Variants in TSPAN9 observed in about 807,000 individuals in gnomAD.
The protein encoded by TSPAN9 is tetraspanin-9.
TSPAN9 carries 16 observed loss-of-function variants against 31.0 expected under a neutral mutation model. The ratio of observed to expected loss-of-function variants is 0.52; its 90% confidence interval spans 0.35 to 0.78. The LOEUF (loss-of-function observed/expected upper bound fraction) is 0.78, where lower values mean the gene tolerates loss of function less well. Among genes scored for constraint, TSPAN9 ranks in the 30% least tolerant of loss-of-function variants. The pLI, the probability that TSPAN9 is intolerant of heterozygous loss-of-function variation, is 0.01. For synonymous variants in TSPAN9, 145 were observed against 121.6 expected, an observed-to-expected ratio of 1.19 and a Z score of -1.27; for missense variants, 272 against 312.5, an observed-to-expected ratio of 0.87 and a Z score of 0.98.
chr12:3,175,407 C>T (rs774780110), intron 2 of TSPAN9, among the ~76,000 whole-genome samples: 9 of 152,208 alleles, frequency 5.9e-5, no homozygotes, highest in African/African-American at 1.9e-4. Flanking sequence ...TGCAGTGGCA[C>T]GGGCTGCCTT....
intron 2 of TSPAN9, among the ~76,000 whole-genome samples, chr12:3,098,758 T>C (rs75745122): frequency 2.7e-5 from 4 of 146,016 alleles, no homozygotes; most frequent in Admixed American, 6.8e-5. Context: ...CTCTCTCTCT[T>C]TTTTTTTTTT....
chr12:3,276,506 G>C (rs1565643275), intron 3 of TSPAN9, among the ~76,000 whole-genome samples: 1 of 152,202 alleles, frequency 6.6e-6, no homozygotes, highest in African/African-American at 2.4e-5. Context: ...TGCACCTGCT[G>C]TTCTCTCTGT....
At chr12:3,231,180 G>T (rs781027730) in intron 3 of TSPAN9, among the ~76,000 whole-genome samples, 1 of 152,102 alleles carries the variant, frequency 6.6e-6, no homozygotes, top group African/African-American at 2.4e-5. Flanking sequence ...TCTTATCGCC[G>T]CAGAAAGCAA....
rs776895287 is a variant in TSPAN9, at chr12:3,199,687, C to G, written c.-17-1490C>G. The stretch of plus-strand genomic sequence containing the variant: ...ACCGAGAACGCGGGGCAAGGGTTCG[C>G]GCAGCTGCAGGAGCCTGGCGGAGCG... On this transcript the variant is annotated intron_variant, in intron 2 of 8. Coordinates refer to ENST00000011898, the MANE Select transcript of TSPAN9 (RefSeq NM_006675.5). 3.0e-4 allele frequency among the ~76,000 whole-genome samples: 46 copies of G among 152,172 alleles called. 1 individual carries two copies. Among genetic ancestry groups the G allele is most frequent in the Non-Finnish European group, 5.7e-4 (39 of 68,022 alleles).
intron 2 of TSPAN9, among the ~76,000 whole-genome samples, chr12:3,179,741 C>G (rs916280603): frequency 3.3e-5 from 5 of 152,156 alleles, no homozygotes; most frequent in African/African-American, 1.2e-4. Flanking sequence ...TACATATTGT[C>G]CATTCCAGAT....
intron 3 of TSPAN9, among the ~76,000 whole-genome samples, chr12:3,256,701 A>G (rs768707572): frequency 3.9e-5 from 6 of 151,900 alleles, no homozygotes; most frequent in Non-Finnish European, 8.8e-5. Flanking sequence ...AGCTGGGTTA[A>G]CTCTTTCGGG....
chr12:3,141,085 C>T (rs1201553000), intron 2 of TSPAN9, among the ~76,000 whole-genome samples: 1 of 151,922 alleles, frequency 6.6e-6, no homozygotes, highest in Non-Finnish European at 1.5e-5. Flanking sequence ...TGACGAGGAC[C>T]ACGGGGCTTT....
intron 3 of TSPAN9, among the ~76,000 whole-genome samples, chr12:3,274,276 C>T (rs1337881982): frequency 6.6e-6 from 1 of 152,200 alleles, no homozygotes; most frequent in Non-Finnish European, 1.5e-5. Context: ...CTGAGAGCAC[C>T]ATGTCTCAGA....
chr12:3,185,156 T>G (rs1013320544), intron 2 of TSPAN9, among the ~76,000 whole-genome samples: 1 of 152,184 alleles, frequency 6.6e-6, no homozygotes, highest in African/African-American at 2.4e-5. Context: ...AGCAAGTATT[T>G]ATTGAGTGTG....
rs115115746 is a variant in TSPAN9, at chr12:3,258,671, G to A, written c.64-19750G>A. Among the ~76,000 whole-genome samples the A allele has an allele frequency of 7.7e-3, 1,177 of 152,212 alleles. 14 individuals carry two copies. Among genetic ancestry groups the A allele is most frequent in the African/African-American group, 0.027 (1,106 of 41,512 alleles). On this transcript the variant is annotated intron_variant, in intron 3 of 8. Transcript: ENST00000011898. ...GGGGTAACTCTAGAACCCAAGCAGC[G>A]CTGAATAACATCATTCCTTGACCCA...
intron 3 of TSPAN9, among the ~76,000 whole-genome samples, chr12:3,240,426 G>A (rs2098396013): frequency 6.6e-6 from 1 of 152,188 alleles, no homozygotes; most frequent in African/African-American, 2.4e-5. Flanking sequence ...CTTGCTACGG[G>A]TGGGACATTG....
At chr12:3,210,441 C>T (rs1035543850) in intron 3 of TSPAN9, among the ~76,000 whole-genome samples, 5 of 152,126 alleles carry the variant, frequency 3.3e-5, no homozygotes, top group Admixed American at 6.5e-5. Flanking sequence ...TTCATATGTT[C>T]CTTAGCCATT....
intron 2 of TSPAN9, among the ~76,000 whole-genome samples, chr12:3,139,877 G>C (rs79693735): frequency 6.6e-6 from 1 of 152,204 alleles, no homozygotes; most frequent in Non-Finnish European, 1.5e-5. Flanking sequence ...CTTCACAGCA[G>C]GTGACTCTCT....
intron 3 of TSPAN9, among the ~76,000 whole-genome samples, chr12:3,238,387 C>G (rs1442089411): frequency 6.6e-6 from 1 of 152,204 alleles, no homozygotes; most frequent in Admixed American, 6.5e-5. Flanking sequence ...TGAGCACAGT[C>G]CGCAGCTGCC....
At chr12:3,267,929 G>A (rs866478133) in intron 3 of TSPAN9, among the ~76,000 whole-genome samples, 3 of 152,302 alleles carry the variant, frequency 2.0e-5, no homozygotes, top group Admixed American at 6.5e-5. Flanking sequence ...GGGTGCGGGC[G>A]GCCTGAGGCT....
At chr12:3,271,270 A>C (rs1045871660) in intron 3 of TSPAN9, among the ~76,000 whole-genome samples, 10 of 152,200 alleles carry the variant, frequency 6.6e-5, no homozygotes, top group Non-Finnish European at 1.5e-5. Context: ...GCTTGAAGTT[A>C]TGCACCAGCT....
intron 2 of TSPAN9, among the ~76,000 whole-genome samples, chr12:3,108,966 C>T (rs1484486114): frequency 6.6e-6 from 1 of 150,422 alleles, no homozygotes; most frequent in African/African-American, 2.4e-5. Flanking sequence ...GAGACAGAGT[C>T]TCGCTCTTGC....
At chr12:3,185,669 A>T (rs2098360880) in intron 2 of TSPAN9, among the ~76,000 whole-genome samples, 1 of 152,230 alleles carries the variant, frequency 6.6e-6, no homozygotes, top group Non-Finnish European at 1.5e-5. Context: ...AGCTTAAAAT[A>T]GCAGCGTGAG....
At chr12:3,096,301 C>T (rs2098308846) in intron 2 of TSPAN9, among the ~76,000 whole-genome samples, 1 of 152,162 alleles carries the variant, frequency 6.6e-6, no homozygotes, top group African/African-American at 2.4e-5. Flanking sequence ...CTCCCGATTC[C>T]CCACGACTCC....
Sources: allele counts gnomAD v4.1 joint callset (sites outside exome capture counted in the v4.1 genomes callset), GRCh38; gene constraint gnomAD v4.1.1; transcripts MANE v1.5; gene names NCBI Gene and HGNC (gene_info 2026-07-23, HGNC 2026-07-21).